GABRG1: variants seen among roughly 807,000 people sequenced by gnomAD.
GABRG1 encodes the protein gamma-aminobutyric acid receptor subunit gamma-1.
GABRG1 carries 49 observed loss-of-function variants against 49.8 expected under a neutral mutation model. The observed-to-expected ratio is 0.98, with a 90% CI of 0.78 to 1.25. The LOEUF (loss-of-function observed/expected upper bound fraction) is 1.25. Among genes scored for constraint, GABRG1 ranks in the 50% most tolerant of loss-of-function variants. The pLI, the probability that GABRG1 is intolerant of heterozygous loss-of-function variation, is 0.00. For missense variants in GABRG1, 552 were observed against 552.3 expected, an observed-to-expected ratio of 1.00 and a Z score of 0.01; for synonymous variants, 232 against 185.1, an observed-to-expected ratio of 1.25 and a Z score of -2.06.
chr4:46,120,265 T>A (rs1721055483), intron 1 of GABRG1, among the ~76,000 whole-genome samples: 1 of 151,750 alleles, frequency 6.6e-6, no homozygotes, highest in Admixed American at 6.6e-5. Context: ...TCTCAGTATC[T>A]CCAGAGTCAT....
At chr4:46,065,910 GA>G (rs1718901395) in intron 3 of GABRG1, among the ~76,000 whole-genome samples, 1 of 152,048 alleles carries the variant, frequency 6.6e-6, no homozygotes, top group African/African-American at 2.4e-5. Context: ...TTTTAGTAGA[GA>G]GGGGGTTTCA....
intron 1 of GABRG1, among the ~76,000 whole-genome samples, chr4:46,101,019 T>C (rs1481959725): frequency 6.6e-6 from 1 of 151,656 alleles, no homozygotes; most frequent in Non-Finnish European, 1.5e-5. Context: ...TTCATAATTT[T>C]AAAAACATAG....
intron 1 of GABRG1, among the ~76,000 whole-genome samples, chr4:46,100,190 A>G (rs971513503): frequency 1.3e-5 from 2 of 151,682 alleles, no homozygotes; most frequent in African/African-American, 4.8e-5. Context: ...TATTTTCTCC[A>G]AGTAAATAAG....
chr4:46,122,412 T>C (rs1721113809), intron 1 of GABRG1, among the ~76,000 whole-genome samples: 2 of 152,094 alleles, frequency 1.3e-5, no homozygotes, highest in Non-Finnish European at 2.9e-5. Flanking sequence ...AAATATCTTT[T>C]ATAAAATGCT....
intron 5 of GABRG1, 123 bp downstream of exon 5, chr4:46,064,318 C>G: frequency 1.9e-6 from 1 of 527,112 alleles, no homozygotes; most frequent in Non-Finnish European, 3.4e-6. Context: ...ATTATTTTAT[C>G]TAAAAGAATT....
intron 1 of GABRG1, among the ~76,000 whole-genome samples, chr4:46,101,395 G>A (rs886286352): frequency 7.3e-5 from 11 of 151,662 alleles, no homozygotes; most frequent in South Asian, 4.1e-4. Context: ...CCTACGGTAC[G>A]TAATTAGCAG....
chr4:46,072,440 C>T (rs1166045794), intron 3 of GABRG1, among the ~76,000 whole-genome samples: 1 of 152,030 alleles, frequency 6.6e-6, no homozygotes, highest in African/African-American at 2.4e-5. Flanking sequence ...ATTGAGAACG[C>T]TTTTATAAAA....
chr4:46,058,779 G>C (rs1718556220), intron 5 of GABRG1, among the ~76,000 whole-genome samples, 157 bp from the exon 6 acceptor site: 1 of 152,030 alleles, frequency 6.6e-6, no homozygotes. Flanking sequence ...TTAATAAGCA[G>C]AGTTTAATGA....
At chr4:46,123,066 TTTCTC>T (rs1721136707) in intron 1 of GABRG1, among the ~76,000 whole-genome samples, 1 of 142,192 alleles carries the variant, frequency 7.0e-6, no homozygotes, top group Non-Finnish European at 1.5e-5. Context: ...CGGTGACACT[TTTCTC>T]TCTCTCTCTC....
chr4:46,046,981 C>T (rs910482937), intron 8 of GABRG1, among the ~76,000 whole-genome samples: 2 of 152,038 alleles, frequency 1.3e-5, no homozygotes, highest in African/African-American at 4.8e-5. Flanking sequence ...CTTCTATCCT[C>T]AACATAGGTT....
At chr4:46,088,815 T>G (rs9998821) in intron 2 of GABRG1, among the ~76,000 whole-genome samples, 14,405 of 131,404 alleles carry the variant, frequency 0.11, 949 homozygotes, top group Non-Finnish European at 0.15. Context: ...TTGTGTGTGT[T>G]TGTGTGTGTG....
rs562257235 is a variant in GABRG1, at chr4:46,075,090, A to G, written c.321+8896T>C. On this transcript the variant is annotated intron_variant, in intron 3 of 8. Coordinates refer to ENST00000295452, the MANE Select transcript of GABRG1 (RefSeq NM_173536.4). ...AGAAATTAATATATATATATTTTAA[A>G]AAGTCCTACCTATAAGGAGGGATAA... Among the ~76,000 whole-genome samples the G allele has an allele frequency of 5.9e-5, 9 of 151,876 alleles. No homozygotes were observed. In the East Asian group the frequency reaches 1.7e-3, roughly 29 times the overall value.
At chr4:46,072,139 G>C (rs1349322657) in intron 3 of GABRG1, among the ~76,000 whole-genome samples, 1 of 151,920 alleles carries the variant, frequency 6.6e-6, no homozygotes, top group Non-Finnish European at 1.5e-5. Flanking sequence ...TGCTTATTGT[G>C]TTACAATTAC....
In GABRG1 at chr4:46,041,955, T is replaced by C. The variant is rs574857028; in HGVS notation, c.1132-701A>G. ...TCATGCTCAGTAATAATAGCTACTA[T>C]TATTAACAGCTTTATTTGTAACATG... is the stretch of plus-strand genomic sequence containing the variant. On this transcript the variant is annotated intron_variant, in intron 8 of 8. Coordinates refer to ENST00000295452, the MANE Select transcript of GABRG1 (RefSeq NM_173536.4). Among the ~76,000 whole-genome samples the C allele has an allele frequency of 5.9e-5, 9 of 152,194 alleles. No individual in the cohort carries two copies. The East Asian group carries it at 1.2e-3, about 20-fold the overall frequency.
intron 5 of GABRG1, among the ~76,000 whole-genome samples, chr4:46,059,241 T>C (rs1241882046): frequency 6.6e-6 from 1 of 152,148 alleles, no homozygotes; most frequent in African/African-American, 2.4e-5. Flanking sequence ...TCTAGTAACA[T>C]TATTATGCAT....
chr4:46,078,312 G>T (rs771318093), intron 3 of GABRG1, among the ~76,000 whole-genome samples: 4 of 152,000 alleles, frequency 2.6e-5, no homozygotes, highest in Non-Finnish European at 4.4e-5. Context: ...CCAAGCATTT[G>T]CCATTTCAAA....
chr4:46,081,797 C>A (rs1719584448), intron 3 of GABRG1, among the ~76,000 whole-genome samples: 1 of 151,508 alleles, frequency 6.6e-6, no homozygotes, highest in Non-Finnish European at 1.5e-5. Flanking sequence ...TTAGGGTGGG[C>A]CCTAATACAA....
intron 2 of GABRG1, among the ~76,000 whole-genome samples, chr4:46,084,752 T>C (rs956547333): frequency 1.3e-5 from 2 of 151,680 alleles, no homozygotes; most frequent in African/African-American, 4.8e-5. Flanking sequence ...ACCTACACAA[T>C]ACTTGAAAAT....
At chr4:46,042,082 G>A (rs1167126699) in intron 8 of GABRG1, among the ~76,000 whole-genome samples, 2 of 151,846 alleles carry the variant, frequency 1.3e-5, no homozygotes, top group African/African-American at 4.8e-5. Flanking sequence ...GTACAAAAAT[G>A]GCAATAAAAA....
Sources: allele counts gnomAD v4.1 joint callset (sites outside exome capture counted in the v4.1 genomes callset), GRCh38; gene constraint gnomAD v4.1.1; transcripts MANE v1.5; gene names NCBI Gene and HGNC (gene_info 2026-07-23, HGNC 2026-07-21).